The following KDM8 variants were observed in gnomAD, a reference collection of about 807,000 sequenced individuals.
The protein encoded by KDM8 is bifunctional peptidase and arginyl-hydroxylase JMJD5.
Under a neutral mutation model 46.9 loss-of-function variants are expected in KDM8, and 35 were observed. The ratio of observed to expected loss-of-function variants is 0.75; its 90% CI spans 0.57 to 0.99. KDM8 has a LOEUF of 0.99. Among genes scored for constraint, KDM8 ranks in the 50% least tolerant of loss-of-function variants. The pLI, the probability that KDM8 is intolerant of heterozygous loss-of-function variation, is 0.00. For synonymous variants in KDM8, 232 were observed against 227.7 expected (o/e 1.02, Z -0.17); for missense variants, 475 against 537.0 (o/e 0.88, Z 1.14).
Position 27,203,708 on chromosome 16 carries a change from T to C in KDM8, c.-32+72T>C, listed in dbSNP as rs374105708. ...AGTGGAGAGGCCGGGTTCAGAGGCA[T>C]AGACCGCGCAGGCGTCATGTGAAGC... On this transcript the variant is annotated intron_variant, in intron 1 of 7. Transcript: ENST00000286096. The C allele has an allele frequency of 2.9e-5, 6 of 208,810 alleles. No individual in the cohort carries two copies. The East Asian group carries it at 6.3e-4, about 22-fold the overall frequency. The allele number at this position is 208,810 out of a possible 1,614,324, so 12.9% of individuals were successfully genotyped here. A position where few individuals can be genotyped will look rare whatever the true frequency, so the allele number is the denominator to read the frequency against.
At chr16:27,219,389 G>A (rs547152966) in intron 6 of KDM8, among the ~76,000 whole-genome samples, 239 of 152,312 alleles carry the variant, frequency 1.6e-3, no homozygotes, top group African/African-American at 3.2e-3. Context: ...GTGGGTGCCC[G>A]GTGCCTCTGC....
rs755563434 is a variant in KDM8, at chr16:27,210,298, G to T, written c.175G>T (p.Gly59Cys). 3 of 1,613,292 alleles carry T rather than the reference G, an allele frequency of 1.9e-6. No individual in the cohort carries two copies. In the East Asian group the frequency reaches 6.7e-5, roughly 36 times the overall value. The change falls in exon 2 of 8, where the codon GGC (glycine) becomes TGC (cysteine). Residue 59 changes from glycine to cysteine, a missense_variant. Transcript: ENST00000286096. The part of the protein sequence containing the change: ...LQRATELFYE[G>C]RRDECLQSSE... ...GCGAGCCACTGAGCTCTTCTACGAG[G>T]GCAGGAGGGACGAGTGTCTGCAGAG... is the stretch of plus-strand genomic sequence containing the variant.
At chr16:27,207,682 G>A (rs1225862995) in intron 1 of KDM8, among the ~76,000 whole-genome samples, 4 of 152,378 alleles carry the variant, frequency 2.6e-5, no homozygotes, top group East Asian at 3.9e-4. Context: ...CTGAGCTCAA[G>A]CAATCTTCCT....
At chr16:27,213,962 G>T in intron 3 of KDM8, 1 of 535,102 alleles carries the variant, frequency 1.9e-6, no homozygotes. Flanking sequence ...CTTCTACCTT[G>T]CTCGCCTTAA....
rs2083493945 is a variant in KDM8, at chr16:27,212,356, G to A, written c.499-1229G>A. ...AGGGCACCATGTGGCCAAGGGCATG[G>A]GGTGTGGGTTGCTCTTTTGTTTCAT... On this transcript the variant is annotated intron_variant, in intron 2 of 7. Transcript: ENST00000286096. Among the ~76,000 whole-genome samples the A allele has an allele frequency of 2.6e-5, 4 of 152,318 alleles. No individual in the cohort carries two copies. The South Asian group carries it at 8.3e-4, about 32-fold the overall frequency.
intron 1 of KDM8, among the ~76,000 whole-genome samples, chr16:27,205,708 G>A (rs1489982484): frequency 6.6e-6 from 1 of 152,148 alleles, no homozygotes; most frequent in African/African-American, 2.4e-5. Context: ...CACAGTGGCG[G>A]GCACCTGTAA....
In KDM8 at chr16:27,220,796, C is replaced by T; in HGVS notation, c.*66C>T. ...TCATCTGTTCACTAATTTCCTGGGT[C>T]CTGGAATCTATAGAGACAAGCAGGA... On this transcript the variant is annotated 3_prime_UTR_variant, in exon 8 of 8. Coordinates refer to ENST00000286096, the MANE Select transcript of KDM8 (RefSeq NM_024773.3). 1 of 1,570,898 alleles carries T rather than the reference C, an allele frequency of 6.4e-7. No homozygotes were observed. The highest frequency in any genetic ancestry group is 1.1e-5 in the South Asian group (1 of 89,958).
intron 1 of KDM8, among the ~76,000 whole-genome samples, chr16:27,204,672 A>C (rs911204389): frequency 6.6e-6 from 1 of 152,136 alleles, no homozygotes; most frequent in Non-Finnish European, 1.5e-5. Flanking sequence ...CGGAGAGGCC[A>C]TTCCACCCAG....
At chr16:27,216,121 G>T in intron 5 of KDM8, 132 bp downstream of exon 5, 1 of 943,622 alleles carries the variant, frequency 1.1e-6, no homozygotes, top group Non-Finnish European at 1.7e-6. Context: ...GAAGGTGACA[G>T]GACGTGGGTG....
chr16:27,204,465 C>G (rs2083408707), intron 1 of KDM8: 1 of 819,588 alleles, frequency 1.2e-6, no homozygotes, highest in Admixed American at 4.2e-5. Context: ...TTTTACGAAG[C>G]TCTTGTTTTT....
At chr16:27,207,631 G>C (rs2140962400) in intron 1 of KDM8, among the ~76,000 whole-genome samples, 1 of 152,366 alleles carries the variant, frequency 6.6e-6, no homozygotes, top group South Asian at 2.1e-4. Flanking sequence ...CCAGATGGGA[G>C]TGCAGAGGCA....
At chr16:27,219,263 G>A (rs760441031) in intron 6 of KDM8, among the ~76,000 whole-genome samples, 153 bp downstream of exon 6, 20 of 152,202 alleles carry the variant, frequency 1.3e-4, no homozygotes, top group Admixed American at 4.6e-4. Context: ...ACCCACAAAC[G>A]GCCCCAGGCC....
rs28719541 is a variant in KDM8, at chr16:27,207,877, G to T, written c.-31-2216G>T. Among the ~76,000 whole-genome samples, 1,029 of 152,308 alleles carry T rather than the reference G, an allele frequency of 6.8e-3. 14 individuals are homozygous for T. The highest frequency in any genetic ancestry group is 0.024 in the African/African-American group (982 of 41,570). On this transcript the variant is annotated intron_variant, in intron 1 of 7. Coordinates refer to ENST00000286096, the MANE Select transcript of KDM8 (RefSeq NM_024773.3). Reference sequence around the variant, plus strand: ...TGGGATTATAGGTGCCCTGCTGGGGGATAGTGTATAATAATCTTGAGGCCT... The same window carrying T: ...TGGGATTATAGGTGCCCTGCTGGGGTATAGTGTATAATAATCTTGAGGCCT...
At chr16:27,216,519 A>C (rs2083555942) in intron 5 of KDM8, among the ~76,000 whole-genome samples, 2 of 152,128 alleles carry the variant, frequency 1.3e-5, no homozygotes, top group Admixed American at 1.3e-4. Context: ...CCGAACGTGG[A>C]AGACTCGAGT....
chr16:27,211,077 C>G (rs985698252), intron 2 of KDM8: 6 of 452,618 alleles, frequency 1.3e-5, no homozygotes, highest in Admixed American at 2.4e-5. Context: ...CCGTGCTCAG[C>G]CCCCATTGAC....
rs756240496 is a variant in KDM8, at chr16:27,213,636, G to T, written c.550G>T (p.Val184Phe). The part of the protein sequence containing the change: ...LIPDVKLEKT[V>F]PRLHRPSLQH... ...TCCAGATGTGAAGTTAGAAAAAACAGTCCCCCGGCTGCACCGTCCGTCCCT... is the reference window on the plus strand; with the variant it reads ...TCCAGATGTGAAGTTAGAAAAAACATTCCCCCGGCTGCACCGTCCGTCCCT... Residue 184 changes from valine to phenylalanine, a missense_variant, in exon 3 of 8, where the codon GTC becomes TTC. Coordinates refer to ENST00000286096, the MANE Select transcript of KDM8 (RefSeq NM_024773.3). 21 of 1,614,024 alleles carry T rather than the reference G, an allele frequency of 1.3e-5. No individual in the cohort carries two copies. The highest frequency in any genetic ancestry group is 1.4e-5 in the Non-Finnish European group (17 of 1,180,034).
intron 1 of KDM8, chr16:27,206,183 T>C (rs2083426622): frequency 4.1e-6 from 4 of 979,416 alleles, no homozygotes; most frequent in Non-Finnish European, 2.4e-6. Flanking sequence ...TTTTTTCTTC[T>C]TGCAGGGAAC....
At chr16:27,204,002 G>T in intron 1 of KDM8, 4 of 1,098,272 alleles carry the variant, frequency 3.6e-6, no homozygotes, top group Non-Finnish European at 5.3e-6. Flanking sequence ...TTTATACTCT[G>T]CTATATGTGT....
intron 1 of KDM8, among the ~76,000 whole-genome samples, chr16:27,208,685 GGATGAGCCAGGAGGCCA>G (rs1290597578): frequency 6.7e-6 from 1 of 150,066 alleles, no homozygotes; most frequent in Non-Finnish European, 1.5e-5. Context: ...GCCACACACG[GGATGAGCCAGGAGGCCA>G]CCCAGGGAGG....
Sources: gnomAD v4.1 joint callset for allele counts (sites outside exome capture counted in the v4.1 genomes callset) on GRCh38, gnomAD v4.1.1 for gene constraint, MANE v1.5 for transcripts, NCBI Gene and HGNC (gene_info 2026-07-23, HGNC 2026-07-21) for gene names.